Variants in DNAJC6 observed in about 807,000 individuals in gnomAD.
The protein encoded by DNAJC6 is DnaJ heat shock protein family (Hsp40) member C6, also known as auxilin.
DNAJC6 carries 34 observed loss-of-function variants against 110.0 expected under a neutral mutation model. The ratio of observed to expected loss-of-function variants is 0.31; its 90% confidence interval spans 0.24 to 0.41. The LOEUF (loss-of-function observed/expected upper bound fraction) is 0.41, where lower values mean the gene tolerates loss of function less well. Among genes scored for constraint, DNAJC6 ranks in the 10% least tolerant of loss-of-function variants. DNAJC6 has a pLI of 1.00. For missense variants in DNAJC6, 1,031 were observed against 1,207.8 expected, an observed-to-expected ratio of 0.85 and a Z score of 2.17; for synonymous variants, 406 against 437.2, an observed-to-expected ratio of 0.93 and a Z score of 0.89.
At chr1:65,360,880 A>C (rs550641736) in intron 1 of DNAJC6, among the ~76,000 whole-genome samples, 1 of 152,142 alleles carries the variant, frequency 6.6e-6, no homozygotes, top group Non-Finnish European at 1.5e-5. Context: ...TATTGTAGGG[A>C]TATCTGCCGC....
intron 4 of DNAJC6, among the ~76,000 whole-genome samples, chr1:65,371,274 A>G (rs1645703039): frequency 6.6e-6 from 1 of 152,192 alleles, no homozygotes; most frequent in Admixed American, 6.5e-5. Context: ...CCCTAGGTTC[A>G]CATCTCAGCT....
intron 4 of DNAJC6, among the ~76,000 whole-genome samples, chr1:65,377,453 G>A (rs1645777312): frequency 6.6e-6 from 1 of 152,140 alleles, no homozygotes; most frequent in South Asian, 2.1e-4. Context: ...GGGTAAAAGG[G>A]GCAAGGCATC....
chr1:65,342,928 G>A (rs753027632), intron 1 of DNAJC6, among the ~76,000 whole-genome samples: 1 of 152,124 alleles, frequency 6.6e-6, no homozygotes, highest in South Asian at 2.1e-4. Context: ...CTCTCTTCTC[G>A]CTAAGCTCTT....
intron 1 of DNAJC6, among the ~76,000 whole-genome samples, chr1:65,324,355 T>A (rs1359130919): frequency 6.6e-6 from 1 of 151,136 alleles, no homozygotes; most frequent in African/African-American, 2.5e-5. Context: ...TTTTTTTTGT[T>A]TGTTTTGTTT....
chr1:65,320,653 A>G (rs1490869765), intron 1 of DNAJC6, among the ~76,000 whole-genome samples: 1 of 152,220 alleles, frequency 6.6e-6, no homozygotes, highest in Non-Finnish European at 1.5e-5. Context: ...TCTTCTAGCC[A>G]TGGGGGATAC....
intron 1 of DNAJC6, among the ~76,000 whole-genome samples, chr1:65,300,590 T>C (rs977420815): frequency 1.3e-5 from 2 of 152,152 alleles, no homozygotes; most frequent in African/African-American, 4.8e-5. Flanking sequence ...AGAGCAACAT[T>C]GAGGATCACT....
chr1:65,379,594 G>A, intron 5 of DNAJC6, 70 bp downstream of exon 5: 1 of 1,558,582 alleles, frequency 6.4e-7, no homozygotes. Flanking sequence ...GTACACAATG[G>A]TAGACAGGTA....
rs181713828 is a variant in DNAJC6, at chr1:65,383,736, A to G, written c.667-457A>G. ...CAGTCCACAACAGATTTATTTCTAC[A>G]TTGAATGAAGTTGAATCTGGTGAAG... is the stretch of plus-strand genomic sequence containing the variant. On this transcript the variant is annotated intron_variant, in intron 5 of 18. Coordinates refer to ENST00000371069, the MANE Select transcript of DNAJC6 (RefSeq NM_001256864.2). 5.3e-5 allele frequency among the ~76,000 whole-genome samples: 8 copies of G among 152,312 alleles called. No homozygotes were observed. In the East Asian group the frequency reaches 1.5e-3, roughly 29 times the overall value.
intron 1 of DNAJC6, among the ~76,000 whole-genome samples, chr1:65,327,053 T>A (rs2101437836): frequency 6.6e-6 from 1 of 152,250 alleles, no homozygotes; most frequent in African/African-American, 2.4e-5. Context: ...TAACAAAGTA[T>A]GAGATAGACA....
intron 1 of DNAJC6, among the ~76,000 whole-genome samples, chr1:65,290,524 C>T (rs1557500515): frequency 6.6e-6 from 1 of 152,216 alleles, no homozygotes; most frequent in Non-Finnish European, 1.5e-5. Context: ...GTTCACATAT[C>T]AGCCTGATCT....
intron 1 of DNAJC6, among the ~76,000 whole-genome samples, chr1:65,286,958 C>T (rs1004251897): frequency 3.3e-5 from 5 of 152,122 alleles, no homozygotes; most frequent in African/African-American, 1.2e-4. Context: ...TCCCACAACC[C>T]ATGTTTTCTA....
rs1646145306 is a variant in DNAJC6, at chr1:65,413,335, A to G, written c.*310A>G. On this transcript the variant is annotated 3_prime_UTR_variant, in exon 19 of 19. Coordinates refer to ENST00000371069, the MANE Select transcript of DNAJC6 (RefSeq NM_001256864.2). The stretch of plus-strand genomic sequence containing the variant: ...CCTGGGGAAATGGAAAACAGAGGCC[A>G]CCACCCATGAAGGCATAACACCCAT... 2 of 276,638 alleles carry G rather than the reference A, an allele frequency of 7.2e-6. No homozygotes were observed. Among genetic ancestry groups the G allele is most frequent in the African/African-American group, 2.2e-5 (1 of 44,598 alleles). 17.1% of individuals were successfully genotyped at this position (276,638 alleles called of 1,614,324 possible).
At chr1:65,305,505 C>T (rs947355390), upstream of DNAJC6, among the ~76,000 whole-genome samples, 6 of 152,166 alleles carry the variant, frequency 3.9e-5, no homozygotes, top group Non-Finnish European at 7.3e-5. Context: ...ATTTACTCAT[C>T]GGCTACAGCA....
Position 65,405,973 on chromosome 1 carries a change from C to T in DNAJC6, c.2331C>T (p.Gly777=), listed in dbSNP as rs370155769. 2.6e-4 allele frequency: 417 copies of T among 1,614,168 alleles called. 5 individuals carry two copies. In the South Asian group the frequency reaches 3.9e-3, roughly 15 times the overall value. Residue 777 remains glycine, a synonymous_variant, in exon 16 of 19, where the codon GGC becomes GGT. Coordinates refer to ENST00000371069, the MANE Select transcript of DNAJC6 (RefSeq NM_001256864.2). ...AGGCGTCTCCCCAGCCTATGGGTGGCGGGTGGCAGCAGGGAGGTGCCTACA... is the reference window on the plus strand; with the variant it reads ...AGGCGTCTCCCCAGCCTATGGGTGGTGGGTGGCAGCAGGGAGGTGCCTACA... ...PQKASPQPMG[G]GWQQGGAYNW... is the part of the protein sequence containing the mutation.
At chr1:65,274,566 C>T (rs879375317) in intron 1 of DNAJC6, among the ~76,000 whole-genome samples, 2 of 152,236 alleles carry the variant, frequency 1.3e-5, no homozygotes, top group Non-Finnish European at 2.9e-5. Context: ...ATCCACTCAC[C>T]TTGGCCTCCC....
rs1646143112 is a variant in DNAJC6, at chr1:65,413,043, C to T, written c.*18C>T. ...TATATTAATTTATGAGCTTTTCCAT[C>T]TCTGCTGCAGACCTGTGCTAATGCT... On this transcript the variant is annotated 3_prime_UTR_variant, in exon 19 of 19. Transcript: ENST00000371069. 4 of 1,607,748 alleles carry T rather than the reference C, an allele frequency of 2.5e-6. No homozygotes were observed. Among genetic ancestry groups the T allele is most frequent in the Non-Finnish European group, 3.4e-6 (4 of 1,174,608 alleles).
chr1:65,313,967 A>C lies in DNAJC6; in HGVS notation c.193+4029A>C, dbSNP rs74083026. On this transcript the variant is annotated intron_variant, in intron 1 of 18. Transcript: ENST00000371069. ...AGGGAAAGTAGAACCACAAAAGTAG[A>C]ACTTTCAATATTGAGCTGCTAAAGT... Among the ~76,000 whole-genome samples, 470 of 152,322 alleles carry C rather than the reference A, an allele frequency of 3.1e-3. 1 individual carries two copies. The highest frequency in any genetic ancestry group is 0.011 in the African/African-American group (452 of 41,582).
intron 1 of DNAJC6, among the ~76,000 whole-genome samples, chr1:65,364,096 C>T (rs1263161349): frequency 6.6e-6 from 1 of 152,128 alleles, no homozygotes; most frequent in Non-Finnish European, 1.5e-5. Context: ...TGGAGCAGCA[C>T]TGTCCAAATG....
chr1:65,313,841 GA>G (rs1242501834), intron 1 of DNAJC6, among the ~76,000 whole-genome samples: 2 of 152,110 alleles, frequency 1.3e-5, no homozygotes, highest in Non-Finnish European at 2.9e-5. Context: ...TTATTCTCTA[GA>G]AAAGGTTGTC....
Sources: gnomAD v4.1 joint callset for allele counts (sites outside exome capture counted in the v4.1 genomes callset) on GRCh38, gnomAD v4.1.1 for gene constraint, MANE v1.5 for transcripts, NCBI Gene and HGNC (gene_info 2026-07-23, HGNC 2026-07-21) for gene names.